Variants in DDX42 observed in about 807,000 individuals in gnomAD.
DDX42 encodes DEAD-box helicase 42, also known as ATP-dependent RNA helicase DDX42.
Under a neutral mutation model 101.5 loss-of-function variants are expected in DDX42, and 22 were observed. That is an observed-to-expected ratio of 0.22 (90% CI 0.15 to 0.31). The LOEUF (loss-of-function observed/expected upper bound fraction) is 0.31. Among genes scored for constraint, DDX42 ranks in the 10% least tolerant of loss-of-function variants. DDX42 has a pLI of 1.00. For synonymous variants in DDX42, 402 were observed against 401.2 expected (o/e 1.00, Z -0.02); for missense variants, 849 against 1,199.9 (o/e 0.71, Z 4.32).
intron 2 of DDX42, among the ~76,000 whole-genome samples, chr17:63,790,069 G>C (rs1165858576): frequency 1.3e-5 from 2 of 152,074 alleles, no homozygotes; most frequent in African/African-American, 2.4e-5. Context: ...GACTGCTTGA[G>C]CCCAGGAGTC....
At chr17:63,799,713 G>T in intron 5 of DDX42, 88 bp downstream of exon 5, 1 of 1,353,800 alleles carries the variant, frequency 7.4e-7, no homozygotes, top group South Asian at 1.5e-5. Flanking sequence ...CACTCAAAAT[G>T]GCCATTCCTG....
chr17:63,776,765 C>A (rs964134452), intron 1 of DDX42, among the ~76,000 whole-genome samples: 1 of 151,574 alleles, frequency 6.6e-6, no homozygotes, highest in Admixed American at 6.6e-5. Context: ...CACACACAGC[C>A]TCTTACCATT....
rs766627395 is a variant in DDX42, at chr17:63,787,077, A to C, written c.28A>C (p.Thr10Pro). The stretch of plus-strand genomic sequence containing the variant: ...GAACTGGAATAAAGGTGGTCCTGGC[A>C]CTAAGCGAGGATTTGGCTTTGGAGG... The part of the protein sequence containing the change: MNWNKGGPG[T>P]KRGFGFGGFA... Residue 10 changes from threonine to proline, a missense_variant, in exon 2 of 18, where the codon ACT (threonine) becomes CCT (proline). Around this residue, in one of 5 missense-constraint regions of DDX42, gnomAD observed 92 missense variants for 106.7 expected, o/e 0.86. Coordinates refer to ENST00000389924, the MANE Select transcript of DDX42 (RefSeq NM_203499.3). 3 of 1,614,222 alleles carry C rather than the reference A, an allele frequency of 1.9e-6. No homozygotes were observed. The highest frequency in any genetic ancestry group is 2.5e-6 in the Non-Finnish European group (3 of 1,180,024).
chr17:63,799,544 G>A, intron 4 of DDX42, 45 bp from the exon 5 acceptor site: 2 of 1,610,152 alleles, frequency 1.2e-6, no homozygotes, highest in Non-Finnish European at 1.7e-6. Context: ...AGCTGGGTAT[G>A]TGGAACATTT....
rs932572838 is a variant in DDX42 at position 63,774,359 on chromosome 17, C to G, written c.-34C>G. On this transcript the variant is annotated 5_prime_UTR_variant, in exon 1 of 18. Transcript: ENST00000389924. Reference sequence around the variant, plus strand: ...GCGCCCGCGGTTGTAGCAGCTGCCGCTGCAGCCATAGCAGCAGGTTTGTGC... The same window carrying G: ...GCGCCCGCGGTTGTAGCAGCTGCCGGTGCAGCCATAGCAGCAGGTTTGTGC... The G allele has an allele frequency of 4.2e-6, 1 of 239,376 alleles. No individual in the cohort carries two copies. Among genetic ancestry groups the G allele is most frequent in the South Asian group, 1.3e-4 (1 of 7,478 alleles). The allele number at this position is 239,376 out of a possible 1,614,324, so 14.8% of individuals were successfully genotyped here. A position where few individuals can be genotyped will look rare whatever the true frequency, so the allele number is the denominator to read the frequency against.
In DDX42 at chr17:63,818,079, G is replaced by A. The variant is rs138535741; in HGVS notation, c.2498G>A (p.Arg833His). The A allele has an allele frequency of 6.3e-5, 102 of 1,613,918 alleles. 1 individual carries two copies. The highest frequency in any genetic ancestry group is 7.9e-5 in the Non-Finnish European group (93 of 1,180,044). ...GGCAATCGGCATAGCGATAGTCCAC[G>A]TCACGGAGATGGTGGTCGCCATGGA... is the stretch of plus-strand genomic sequence containing the variant. The part of the protein sequence containing the change: ...ETGNRHSDSP[R>H]HGDGGRHGDG... Residue 833 changes from arginine to histidine, a missense_variant, in exon 18 of 18, where the codon CGT (arginine) becomes CAT (histidine). Arg to His is a conservative substitution (Grantham distance 29). Coordinates refer to ENST00000389924, the MANE Select transcript of DDX42 (RefSeq NM_203499.3).
chr17:63,818,090 G>A lies in DDX42; in HGVS notation c.2509G>A (p.Gly837Ser), dbSNP rs2040000470. 3.1e-6 allele frequency: 5 copies of A among 1,613,862 alleles called. No individual in the cohort carries two copies. The highest frequency in any genetic ancestry group is 1.3e-5 in the African/African-American group (1 of 74,900). Reference protein sequence around the residue: ...RHSDSPRHGDGGRHGDGYRHP... With the variant: ...RHSDSPRHGDSGRHGDGYRHP... ...TAGCGATAGTCCACGTCACGGAGAT[G>A]GTGGTCGCCATGGAGATGGATACCG... is the stretch of plus-strand genomic sequence containing the variant. Residue 837 changes from glycine to serine, a missense_variant, in exon 18 of 18, where the codon GGT becomes AGT. Physicochemically the swap from Gly to Ser is moderately conservative, Grantham distance 56. This residue lies in a region of DDX42 where 300 missense variants were observed against 304.9 expected (regional missense o/e 0.98). Transcript: ENST00000389924.
intron 1 of DDX42, among the ~76,000 whole-genome samples, chr17:63,779,791 C>T (rs2144521577): frequency 6.6e-6 from 1 of 151,918 alleles, no homozygotes; most frequent in South Asian, 2.1e-4. Context: ...GCTGTGTTGC[C>T]CAGGCTGGTC....
rs1567747979 is a variant in DDX42 at position 63,816,973 on chromosome 17, A to G, written c.2112+7A>G. 1.2e-6 allele frequency: 2 copies of G among 1,612,200 alleles called. No homozygotes were observed. The highest frequency in any genetic ancestry group is 1.7e-6 in the Non-Finnish European group (2 of 1,178,860). ...AATGAAAGCAGCTTTCCAGGTCTGAAATAAGCATTTCATTAAAAGCACTTT... is the reference window on the plus strand; with the variant it reads ...AATGAAAGCAGCTTTCCAGGTCTGAGATAAGCATTTCATTAAAAGCACTTT... On this transcript the variant is annotated splice_region_variant and intron_variant, in intron 17 of 17. Coordinates refer to ENST00000389924, the MANE Select transcript of DDX42 (RefSeq NM_203499.3).
chr17:63,800,445 T>G, intron 5 of DDX42, 23 bp from the exon 6 acceptor site: 1 of 1,610,078 alleles, frequency 6.2e-7, no homozygotes, highest in Non-Finnish European at 8.5e-7. Flanking sequence ...TGGGTGTGAT[T>G]ATGTTCTTGT....
intron 2 of DDX42, among the ~76,000 whole-genome samples, chr17:63,791,321 C>G (rs1488603769): frequency 6.6e-6 from 1 of 151,942 alleles, no homozygotes; most frequent in Non-Finnish European, 1.5e-5. Context: ...TTGCTTTTTT[C>G]CTCGTTTTTT....
chr17:63,803,520 G>A (rs1317943516), intron 6 of DDX42, among the ~76,000 whole-genome samples: 3 of 136,682 alleles, frequency 2.2e-5, no homozygotes, highest in Non-Finnish European at 3.1e-5. Flanking sequence ...GTGAGCTGAG[G>A]TTGTGCCACT....
rs184752746 is a variant in DDX42, at chr17:63,792,612, A to G, written c.372+50A>G. ...AATATTTAGCAGTTAGAAATAGATCAAGTTAACTTAGTACTTCAAATCTTA... is the reference window on the plus strand; with the variant it reads ...AATATTTAGCAGTTAGAAATAGATCGAGTTAACTTAGTACTTCAAATCTTA... On this transcript the variant is annotated intron_variant, in intron 3 of 17. Coordinates refer to ENST00000389924, the MANE Select transcript of DDX42 (RefSeq NM_203499.3). The G allele has an allele frequency of 1.8e-5, 28 of 1,535,872 alleles. No homozygotes were observed. In the Admixed American group the frequency reaches 5.2e-4, roughly 28 times the overall value.
At chr17:63,782,785 C>CA (rs2039504326) in intron 1 of DDX42, among the ~76,000 whole-genome samples, 1 of 152,156 alleles carries the variant, frequency 6.6e-6, no homozygotes, top group African/African-American at 2.4e-5. Context: ...TTCTGTCTTT[C>CA]AAAAACACTG....
At chr17:63,799,006 T>C (rs1362229162) in intron 4 of DDX42, among the ~76,000 whole-genome samples, 1 of 152,214 alleles carries the variant, frequency 6.6e-6, no homozygotes, top group African/African-American at 2.4e-5. Flanking sequence ...ATTTTCTCTA[T>C]AGCTCCTGAG....
intron 7 of DDX42, chr17:63,805,849 T>TTA (rs1441936673): frequency 6.6e-6 from 1 of 152,230 alleles, no homozygotes; most frequent in Admixed American, 6.6e-5. Flanking sequence ...TTCCAAGAGG[T>TTA]TACTCATCTC....
chr17:63,804,707 A>G (rs2039817221), intron 6 of DDX42, among the ~76,000 whole-genome samples: 1 of 152,150 alleles, frequency 6.6e-6, no homozygotes, highest in African/African-American at 2.4e-5. Context: ...TAGGCTAGGC[A>G]CAGTGGCTCA....
chr17:63,778,761 C>G (rs560955937), intron 1 of DDX42, among the ~76,000 whole-genome samples: 1 of 152,230 alleles, frequency 6.6e-6, no homozygotes, highest in African/African-American at 2.4e-5. Flanking sequence ...CTGCCTCAGC[C>G]TCCTAAGTAG....
chr17:63,795,127 G>GT (rs1460771783), intron 3 of DDX42, among the ~76,000 whole-genome samples: 1 of 152,054 alleles, frequency 6.6e-6, no homozygotes, highest in Non-Finnish European at 1.5e-5. Flanking sequence ...AACATTTTTA[G>GT]TATCAGGGGA....
Sources: allele counts gnomAD v4.1 joint callset (sites outside exome capture counted in the v4.1 genomes callset), GRCh38; gene constraint gnomAD v4.1.1; regional missense constraint gnomAD v4.1.1; transcripts MANE v1.5; gene names NCBI Gene and HGNC (gene_info 2026-07-23, HGNC 2026-07-21).